Variants in PARD3B observed in about 807,000 individuals in gnomAD.
The protein encoded by PARD3B is partitioning defective 3 homolog B.
Under a neutral mutation model 130.2 loss-of-function variants are expected in PARD3B, and 103 were observed. That is an observed-to-expected ratio of 0.79 (90% confidence interval 0.67 to 0.93). PARD3B has a LOEUF of 0.93. PARD3B is among the 40% of genes least tolerant of loss of function. The probability of loss-of-function intolerance (pLI) is 0.00; values close to 1 mark genes in which losing one functional copy is unlikely to be tolerated. For missense variants in PARD3B, 1,609 were observed against 1,499.2 expected (o/e 1.07, Z -1.21); for synonymous variants, 583 against 553.2 (o/e 1.05, Z -0.76).
In PARD3B at chr2:205,613,516, A is replaced by G. The variant is rs1261117246; in HGVS notation, c.3261-1940A>G. The stretch of plus-strand genomic sequence containing the variant: ...CTAAAGAAAGGGAAAGGTGAAATCC[A>G]GAGCCTTTATTTCCCATGGCTAGAG... On this transcript the variant is annotated intron_variant, in intron 22 of 22. Coordinates refer to ENST00000406610, the MANE Select transcript of PARD3B (RefSeq NM_001302769.2). Among the ~76,000 whole-genome samples, 3 of 152,230 alleles carry G rather than the reference A, an allele frequency of 2.0e-5. No individual in the cohort carries two copies. The East Asian group carries it at 5.8e-4, about 29-fold the overall frequency.
rs959109658 is a variant in PARD3B, at chr2:205,407,737, T to C, written c.2741+6614T>C. On this transcript the variant is annotated intron_variant, in intron 19 of 22. Coordinates refer to ENST00000406610, the MANE Select transcript of PARD3B (RefSeq NM_001302769.2). This position sits in a 1 kb window ranked among gnomAD's most constrained non-coding sequence, Gnocchi z 4.1. ...AAATATCTCCACTGACACCAAAGACTGTCTTCCATTGAAGTCCCATATTAC... is the reference window on the plus strand; with the variant it reads ...AAATATCTCCACTGACACCAAAGACCGTCTTCCATTGAAGTCCCATATTAC... Among the ~76,000 whole-genome samples the C allele has an allele frequency of 6.6e-6, 1 of 152,164 alleles. No individual in the cohort carries two copies. The highest frequency in any genetic ancestry group is 1.5e-5 in the Non-Finnish European group (1 of 68,020).
chr2:205,501,137 T>C (rs956690405), intron 21 of PARD3B, among the ~76,000 whole-genome samples: 4 of 152,074 alleles, frequency 2.6e-5, no homozygotes, highest in Admixed American at 2.6e-4. Context: ...TACACTGGGG[T>C]GTGAAAATCA....
chr2:205,107,266 A>G (rs1703293250), intron 5 of PARD3B, among the ~76,000 whole-genome samples: 2 of 152,212 alleles, frequency 1.3e-5, no homozygotes, highest in Non-Finnish European at 2.9e-5. Context: ...AAACCACAGA[A>G]TTTATCAAGC....
At chr2:204,701,278 A>T (rs2037880261) in intron 2 of PARD3B, among the ~76,000 whole-genome samples, 2 of 152,174 alleles carry the variant, frequency 1.3e-5, no homozygotes, top group Non-Finnish European at 2.9e-5. Flanking sequence ...TAAAAGCAAG[A>T]TGTGTTTTCA....
At chr2:204,938,359 A>T (rs1688626184) in intron 2 of PARD3B, among the ~76,000 whole-genome samples, 1 of 152,206 alleles carries the variant, frequency 6.6e-6, no homozygotes, top group South Asian at 2.1e-4. Context: ...AGCCTTTGTA[A>T]GCCCTAAAGC....
At chr2:204,776,108 C>T (rs1261393717) in intron 2 of PARD3B, among the ~76,000 whole-genome samples, 1 of 152,192 alleles carries the variant, frequency 6.6e-6, no homozygotes, top group East Asian at 1.9e-4. Context: ...AATCTCCTGA[C>T]ATACAGTTTT....
chr2:205,396,555 T>C (rs2046037677), intron 18 of PARD3B, among the ~76,000 whole-genome samples: 1 of 152,226 alleles, frequency 6.6e-6, no homozygotes, highest in African/African-American at 2.4e-5. Flanking sequence ...ATAAAGCGTA[T>C]GTTGAAAGGT....
At position 205,585,385 on chromosome 2, in the gene PARD3B, A is replaced by G. The variant is rs145101949; in HGVS notation, c.3261-30071A>G. On this transcript the variant is annotated intron_variant, in intron 22 of 22. Coordinates refer to ENST00000406610, the MANE Select transcript of PARD3B (RefSeq NM_001302769.2). The surrounding 1 kb of genome is among the most constrained non-coding windows in gnomAD (Gnocchi z 5.4). ...TAATGGCTAAAAATGATGGAGTGTG[A>G]GAGAATCCCCAGGGACCCTTTGGTA... Among the ~76,000 whole-genome samples, 257 of 152,290 alleles carry G rather than the reference A, an allele frequency of 1.7e-3. 2 individuals carry two copies. The highest frequency in any genetic ancestry group is 5.7e-3 in the African/African-American group (235 of 41,574).
At chr2:204,991,291 T>C (rs1318288398) in intron 3 of PARD3B, among the ~76,000 whole-genome samples, 7 of 145,860 alleles carry the variant, frequency 4.8e-5, no homozygotes, top group Admixed American at 2.8e-4. Context: ...GTGATCTCAT[T>C]GTTCAATTCC....
At chr2:204,661,165 T>G (rs2035796127) in intron 1 of PARD3B, among the ~76,000 whole-genome samples, 1 of 152,208 alleles carries the variant, frequency 6.6e-6, no homozygotes, top group Non-Finnish European at 1.5e-5. Context: ...CATTATACTT[T>G]TTTGTTAAAT....
intron 22 of PARD3B, among the ~76,000 whole-genome samples, chr2:205,566,997 A>C (rs1272187522): frequency 6.6e-6 from 1 of 152,248 alleles, no homozygotes; most frequent in Non-Finnish European, 1.5e-5. Flanking sequence ...CTCTGACTCC[A>C]TGAAGCATAA....
At chr2:205,433,570 A>AT in intron 19 of PARD3B, among the ~76,000 whole-genome samples, 1 of 150,482 alleles carries the variant, frequency 6.6e-6, no homozygotes, top group African/African-American at 2.4e-5. Context: ...TTGAGGTATA[A>AT]TTTACATAAA....
At position 205,028,852 on chromosome 2, in the gene PARD3B, G is replaced by A. The variant is rs190615271; in HGVS notation, c.395-18729G>A. Among the ~76,000 whole-genome samples the A allele has an allele frequency of 1.5e-4, 23 of 152,122 alleles. No individual in the cohort carries two copies. The East Asian group carries it at 1.7e-3, about 11-fold the overall frequency. The stretch of plus-strand genomic sequence containing the variant: ...TAAAGTTCGGGATATAAAAATCAAC[G>A]TACAAAAGTCAGTTGTGTTTTTATA... On this transcript the variant is annotated intron_variant, in intron 3 of 22. Coordinates refer to ENST00000406610, the MANE Select transcript of PARD3B (RefSeq NM_001302769.2).
At position 204,707,923 on chromosome 2, in the gene PARD3B, C is replaced by T. The variant is rs565359361; in HGVS notation, c.222+21641C>T. ...GTGGAGCTCTACCCAGAGGCGGCCACGGGGAGACCCTGGCATGGGAGTCTG... is the reference window on the plus strand; with the variant it reads ...GTGGAGCTCTACCCAGAGGCGGCCATGGGGAGACCCTGGCATGGGAGTCTG... On this transcript the variant is annotated intron_variant, in intron 2 of 22. Transcript: ENST00000406610. Among the ~76,000 whole-genome samples the T allele has an allele frequency of 5.9e-5, 9 of 152,146 alleles. No individual in the cohort carries two copies. The East Asian group carries it at 1.2e-3, about 20-fold the overall frequency.
At chr2:204,692,015 G>A (rs17534902) in intron 2 of PARD3B, among the ~76,000 whole-genome samples, 5,381 of 152,160 alleles carry the variant, frequency 0.035, 131 homozygotes, top group Non-Finnish European at 0.055. Flanking sequence ...TTAAAATGGA[G>A]ACTGGTTTGC....
intron 2 of PARD3B, among the ~76,000 whole-genome samples, chr2:204,702,061 G>A (rs893488816): frequency 1.3e-5 from 2 of 152,104 alleles, no homozygotes; most frequent in African/African-American, 4.8e-5. Flanking sequence ...ATGTTGCTGC[G>A]AAGGACATGA....
At chr2:205,557,926 C>A (rs1010263436) in intron 22 of PARD3B, among the ~76,000 whole-genome samples, 2 of 152,118 alleles carry the variant, frequency 1.3e-5, no homozygotes, top group African/African-American at 4.8e-5. Context: ...AGATGCACAA[C>A]TTCAGGGGCA....
intron 2 of PARD3B, among the ~76,000 whole-genome samples, chr2:204,695,840 T>C (rs1436641862): frequency 6.6e-6 from 1 of 151,988 alleles, no homozygotes; most frequent in African/African-American, 2.4e-5. Context: ...CTTCTTGCCA[T>C]CTAGTGAGGT....
chr2:205,035,923 C>T (rs1697828669), intron 3 of PARD3B, among the ~76,000 whole-genome samples: 1 of 96,114 alleles, frequency 1.0e-5, no homozygotes, highest in African/African-American at 4.6e-5. Flanking sequence ...ATCTCTGACT[C>T]CACTATATAT....
Sources: allele counts gnomAD v4.1 joint callset (sites outside exome capture counted in the v4.1 genomes callset), GRCh38; gene constraint gnomAD v4.1.1; non-coding constraint Gnocchi (gnomAD v3.1); transcripts MANE v1.5; gene names NCBI Gene and HGNC (gene_info 2026-07-23, HGNC 2026-07-21).